VPS54: variants seen among roughly 807,000 people sequenced by gnomAD.
VPS54 encodes the protein vacuolar protein sorting-associated protein 54.
Under a neutral mutation model 121.5 loss-of-function variants are expected in VPS54, and 45 were observed. That is an observed-to-expected ratio of 0.37 (90% CI 0.29 to 0.47). VPS54 has a LOEUF of 0.47. Among genes scored for constraint, VPS54 ranks in the 20% least tolerant of loss-of-function variants. VPS54 has a pLI of 0.99. For missense variants in VPS54, 1,090 were observed against 1,131.4 expected (o/e 0.96, Z 0.52); for synonymous variants, 371 against 385.8 (o/e 0.96, Z 0.45).
chr2:63,911,067 C>A (rs1443219001), intron 20 of VPS54, among the ~76,000 whole-genome samples: 1 of 131,120 alleles, frequency 7.6e-6, no homozygotes, highest in Non-Finnish European at 1.6e-5. Context: ...CTATTCTCCA[C>A]TGTTAGCTGT....
intron 1 of VPS54, among the ~76,000 whole-genome samples, chr2:64,006,207 G>A (rs1226313842): frequency 6.6e-6 from 1 of 152,158 alleles, no homozygotes; most frequent in Admixed American, 6.5e-5. Context: ...ATGAACGAAT[G>A]AGCAAATGAA....
chr2:63,964,762 A>G (rs1675913147), intron 6 of VPS54, among the ~76,000 whole-genome samples: 1 of 152,210 alleles, frequency 6.6e-6, no homozygotes, highest in Non-Finnish European at 1.5e-5. Context: ...ACTGAACCTG[A>G]TATTATTGAT....
intron 1 of VPS54, among the ~76,000 whole-genome samples, chr2:64,015,610 G>GA (rs1282169152): frequency 2.6e-5 from 4 of 152,136 alleles, no homozygotes; most frequent in Non-Finnish European, 4.4e-5. Flanking sequence ...CTTCAGCTAT[G>GA]ACAACCAAAA....
intron 1 of VPS54, among the ~76,000 whole-genome samples, chr2:64,014,425 C>G (rs1178782731): frequency 6.6e-6 from 1 of 152,148 alleles, no homozygotes; most frequent in African/African-American, 2.4e-5. Flanking sequence ...GTTAATTTCA[C>G]CATTATAATA....
intron 1 of VPS54, among the ~76,000 whole-genome samples, chr2:64,003,488 C>T (rs1484612832): frequency 6.6e-6 from 1 of 152,102 alleles, no homozygotes; most frequent in African/African-American, 2.4e-5. Context: ...TACAGTTCTT[C>T]CCTATCAGGC....
At chr2:63,903,356 G>A (rs1672769325) in intron 20 of VPS54, among the ~76,000 whole-genome samples, 1 of 152,178 alleles carries the variant, frequency 6.6e-6, no homozygotes, top group Admixed American at 6.5e-5. Flanking sequence ...AACAAAAACT[G>A]AGATGATTCA....
intron 1 of VPS54, among the ~76,000 whole-genome samples, chr2:63,986,113 CTT>C (rs969605375): frequency 4.1e-4 from 63 of 152,150 alleles, no homozygotes; most frequent in African/African-American, 1.5e-3. Context: ...GGTATTTATC[CTT>C]TGTGTTACTA....
In VPS54 at chr2:63,914,161, ATGGAG is replaced by A. The variant is rs753596121; in HGVS notation, c.2334+16_2334+20del. 5 of 1,589,560 alleles carry A rather than the reference ATGGAG, an allele frequency of 3.1e-6. No individual in the cohort carries two copies. The highest frequency in any genetic ancestry group is 2.2e-5 in the South Asian group (2 of 89,374). On this transcript the variant is annotated intron_variant, in intron 17 of 22. Coordinates refer to ENST00000272322, the MANE Select transcript of VPS54 (RefSeq NM_016516.3). ...TAATTCCTCGAAAAATTTTTCCATA[ATGGAG>A]TGAAGTCATACATACCTTCAATAAA...
intron 20 of VPS54, among the ~76,000 whole-genome samples, chr2:63,901,173 G>T (rs894182949): frequency 6.6e-6 from 1 of 152,150 alleles, no homozygotes; most frequent in African/African-American, 2.4e-5. Context: ...TTAGAAAGCT[G>T]CAATAGAACA....
intron 11 of VPS54, among the ~76,000 whole-genome samples, chr2:63,941,473 T>A (rs913880379): frequency 7.9e-5 from 12 of 152,320 alleles, no homozygotes; most frequent in African/African-American, 2.9e-4. Context: ...GTGATCCTCT[T>A]GCCTTGGCCT....
chr2:63,959,103 T>C (rs1675633729), intron 7 of VPS54, among the ~76,000 whole-genome samples: 1 of 152,220 alleles, frequency 6.6e-6, no homozygotes, highest in African/African-American at 2.4e-5. Context: ...CCAAAACTAA[T>C]TCTTATGCTT....
intron 1 of VPS54, among the ~76,000 whole-genome samples, chr2:63,992,386 T>C (rs932222156): frequency 2.0e-5 from 3 of 152,212 alleles, no homozygotes; most frequent in Admixed American, 6.5e-5. Flanking sequence ...ATGGAAAACA[T>C]GCGGTATGTT....
intron 1 of VPS54, among the ~76,000 whole-genome samples, chr2:63,987,580 G>T (rs895004125): frequency 6.6e-6 from 1 of 152,080 alleles, no homozygotes; most frequent in Non-Finnish European, 1.5e-5. Flanking sequence ...TTGGTATTTT[G>T]ATAGGGAATA....
At chr2:64,010,625 A>C (rs1453421754) in intron 1 of VPS54, among the ~76,000 whole-genome samples, 1 of 152,184 alleles carries the variant, frequency 6.6e-6, no homozygotes, top group Non-Finnish European at 1.5e-5. Context: ...GGCAAATGTA[A>C]GTTTTTCATA....
At chr2:63,904,666 G>GA (rs1377158015) in intron 20 of VPS54, among the ~76,000 whole-genome samples, 1 of 152,056 alleles carries the variant, frequency 6.6e-6, no homozygotes, top group East Asian at 1.9e-4. Context: ...AGTAAGGACA[G>GA]AAAAGACCTA....
intron 5 of VPS54, among the ~76,000 whole-genome samples, chr2:63,966,914 C>G (rs1240385172): frequency 6.6e-6 from 1 of 152,208 alleles, no homozygotes; most frequent in Admixed American, 6.5e-5. Context: ...TCTTGTACAT[C>G]TTCCTGAAGA....
intron 8 of VPS54, among the ~76,000 whole-genome samples, chr2:63,947,785 T>G (rs951685306): frequency 6.6e-6 from 1 of 152,154 alleles, no homozygotes; most frequent in Non-Finnish European, 1.5e-5. Flanking sequence ...AATATCCTTC[T>G]CACACCCTGA....
chr2:63,913,195 C>T (rs1449755745), intron 18 of VPS54, 28 bp downstream of exon 18: 1 of 1,581,390 alleles, frequency 6.3e-7, no homozygotes, highest in Non-Finnish European at 8.6e-7. Context: ...AACACTTCAG[C>T]AAGTGAATTA....
chr2:63,946,083 T>G (rs1462427875), intron 9 of VPS54, among the ~76,000 whole-genome samples: 2 of 152,134 alleles, frequency 1.3e-5, no homozygotes, highest in Non-Finnish European at 2.9e-5. Flanking sequence ...TTATCTTGAT[T>G]TTTAAACCAT....
Sources: gnomAD v4.1 joint callset for allele counts (sites outside exome capture counted in the v4.1 genomes callset) on GRCh38, gnomAD v4.1.1 for gene constraint, MANE v1.5 for transcripts, NCBI Gene and HGNC (gene_info 2026-07-23, HGNC 2026-07-21) for gene names.